Variants in PSG3 observed in about 807,000 individuals in gnomAD.
The protein encoded by PSG3 is pregnancy specific beta-1-glycoprotein 3, also known as pregnancy-specific beta-1-glycoprotein 3.
A neutral mutation model predicts 47.5 loss-of-function variants in PSG3; 61 were observed. That is an observed-to-expected ratio of 1.28 (90% CI 1.05 to 1.59). PSG3 has a LOEUF of 1.59. Among genes scored for constraint, PSG3 ranks in the 40% most tolerant of loss-of-function variants. The pLI is 0.00. For synonymous variants in PSG3, 263 were observed against 198.4 expected, an observed-to-expected ratio of 1.33 and a Z score of -2.74; for missense variants, 756 against 524.0, an observed-to-expected ratio of 1.44 and a Z score of -4.32.
intron 2 of PSG3, among the ~76,000 whole-genome samples, chr19:42,734,555 A>G (rs1425050701): frequency 3.9e-5 from 6 of 152,230 alleles, no homozygotes; most frequent in African/African-American, 7.2e-5. Flanking sequence ...TCATAAGTGG[A>G]AATTTTTACT....
intron 3 of PSG3, among the ~76,000 whole-genome samples, chr19:42,730,746 A>T (rs1239917224): frequency 1.3e-5 from 2 of 152,224 alleles, no homozygotes; most frequent in Non-Finnish European, 2.9e-5. Flanking sequence ...TGAAGGTGAC[A>T]GGCAAGAGCT....
chr19:42,725,384 G>C (rs1969360399), intron 5 of PSG3, among the ~76,000 whole-genome samples: 1 of 151,922 alleles, frequency 6.6e-6, no homozygotes, highest in Non-Finnish European at 1.5e-5. Flanking sequence ...CTAAACCCAA[G>C]CACAGTGAAT....
At chr19:42,738,682 AC>A (rs1555821275) in intron 2 of PSG3, 41 bp downstream of exon 2, 3 of 1,612,260 alleles carry the variant, frequency 1.9e-6, no homozygotes, top group Non-Finnish European at 2.5e-6. Flanking sequence ...TGAAGTAAAG[AC>A]CCCATCCCCC....
At chr19:42,735,155 G>T (rs188181968) in intron 2 of PSG3, among the ~76,000 whole-genome samples, 3 of 152,258 alleles carry the variant, frequency 2.0e-5, no homozygotes, top group African/African-American at 7.2e-5. Flanking sequence ...CTTTGTAGTT[G>T]TCCCACAGCT....
chr19:42,728,220 T>G (rs891615559), intron 5 of PSG3, among the ~76,000 whole-genome samples: 1 of 152,170 alleles, frequency 6.6e-6, no homozygotes, highest in African/African-American at 2.4e-5. Context: ...AACACTAAAT[T>G]GCACACTTAG....
At chr19:42,740,262 A>T (rs574923249) in intron 1 of PSG3, 59 bp downstream of exon 1, 1 of 1,613,160 alleles carries the variant, frequency 6.2e-7, no homozygotes, top group East Asian at 2.2e-5. Context: ...TCTCCAGGAG[A>T]CCCCATCCAG....
At chr19:42,734,192 A>G (rs1384864814) in intron 2 of PSG3, 1 of 152,228 alleles carries the variant, frequency 6.6e-6, no homozygotes, top group Admixed American at 6.5e-5. Context: ...GTACAGCTTC[A>G]TGCCTATAGT....
chr19:42,722,414 C>A (rs1270671092), intron 6 of PSG3, among the ~76,000 whole-genome samples: 1 of 152,122 alleles, frequency 6.6e-6, no homozygotes, highest in African/African-American at 2.4e-5. Flanking sequence ...CCAAGCCCGG[C>A]TAATTTTGTT....
chr19:42,727,019 T>C (rs1043263116), intron 5 of PSG3, among the ~76,000 whole-genome samples: 2 of 152,064 alleles, frequency 1.3e-5, no homozygotes, highest in Non-Finnish European at 2.9e-5. Flanking sequence ...GCCAAGATCG[T>C]TCAATGGGGA....
At chr19:42,728,160 A>G (rs921810846) in intron 5 of PSG3, among the ~76,000 whole-genome samples, 1 of 152,180 alleles carries the variant, frequency 6.6e-6, no homozygotes, top group African/African-American at 2.4e-5. Flanking sequence ...ACAGAGGTTT[A>G]ATATGGTAAG....
intron 2 of PSG3, among the ~76,000 whole-genome samples, chr19:42,735,499 T>G (rs558716098): frequency 6.2e-4 from 95 of 152,254 alleles, no homozygotes; most frequent in Non-Finnish European, 2.5e-4. Context: ...CCCAAATAGC[T>G]GGGACTACAA....
intron 1 of PSG3, 42 bp downstream of exon 1, chr19:42,740,279 T>C (rs1359459546): frequency 1.4e-5 from 23 of 1,613,712 alleles, no homozygotes; most frequent in Admixed American, 6.7e-5. Flanking sequence ...CCAGTCACTC[T>C]GCTTCCTCCT....
rs143022053 is a variant in PSG3, at chr19:42,724,862, T to C, written c.1244-837A>G. Among the ~76,000 whole-genome samples the C allele has an allele frequency of 8.2e-3, 1,238 of 151,456 alleles. 18 individuals carry two copies. The highest frequency in any genetic ancestry group is 0.029 in the African/African-American group (1,169 of 40,770). On this transcript the variant is annotated intron_variant, in intron 5 of 6. Transcript: ENST00000327495. ...AACCATGTCCTAGTGTTTTATGTGT[T>C]ACCTCTTTTTCCATATATATATATA...
At chr19:42,725,007 T>A (rs2122160682) in intron 5 of PSG3, among the ~76,000 whole-genome samples, 1 of 152,278 alleles carries the variant, frequency 6.6e-6, no homozygotes, top group East Asian at 1.9e-4. Context: ...TATTTCCATT[T>A]TGCCGATGAA....
intron 6 of PSG3, among the ~76,000 whole-genome samples, chr19:42,722,875 A>T (rs537913173): frequency 6.6e-6 from 1 of 152,360 alleles, no homozygotes; most frequent in East Asian, 1.9e-4. Flanking sequence ...TAGTAGTGTC[A>T]GGGAAGACTT....
At chr19:42,725,808 G>A (rs553148735) in intron 5 of PSG3, among the ~76,000 whole-genome samples, 117 of 146,172 alleles carry the variant, frequency 8.0e-4, no homozygotes, top group African/African-American at 3.0e-3. Context: ...AGGCTGCAGT[G>A]AGCCATAATC....
In PSG3 at chr19:42,730,520, C is replaced by T. The variant is rs139584650; in HGVS notation, c.710-464G>A. On this transcript the variant is annotated intron_variant, in intron 3 of 6. Transcript: ENST00000327495. ...TGAGTAATAATGGGACTTCCCATGG[C>T]CCTGAAACCCTGAAGATACTGAGCA... Among the ~76,000 whole-genome samples, 15 of 152,312 alleles carry T rather than the reference C, an allele frequency of 9.8e-5. No individual in the cohort carries two copies. The East Asian group carries it at 1.3e-3, about 14-fold the overall frequency.
In PSG3 at chr19:42,739,051, G is replaced by C; in HGVS notation, c.103C>G (p.Gln35Glu). The change falls in exon 2 of 7, where the codon CAA (glutamine) becomes GAA (glutamate). Residue 35 changes from glutamine to glutamate, a missense_variant. Gln to Glu is a conservative substitution (Grantham distance 29). Transcript: ENST00000327495. ...LNFWNLPTTA[Q>E]VTIEAEPTKV... ...GTTGGCTCGGCTTCAATCGTGACTT[G>C]GGCAGTGGTAGGCAAGTTCCAGAAG... is the stretch of plus-strand genomic sequence containing the variant. 1 of 1,611,960 alleles carries C rather than the reference G, an allele frequency of 6.2e-7. No individual in the cohort carries two copies. Among genetic ancestry groups the C allele is most frequent in the South Asian group, 1.1e-5 (1 of 91,018 alleles).
chr19:42,723,986 A>G lies in PSG3; in HGVS notation c.1283T>C (p.Leu428Ser), dbSNP rs1174041892. 2 of 1,610,352 alleles carry G rather than the reference A, an allele frequency of 1.2e-6. No homozygotes were observed. Among genetic ancestry groups the G allele is most frequent in the Admixed American group, 3.3e-5 (2 of 60,010 alleles). The change falls in exon 6 of 7, where the codon TTA becomes TCA. Residue 428 changes from leucine to serine, a missense_variant. Leu to Ser is a moderately radical substitution (Grantham distance 145, BLOSUM62 -2). Transcript: ENST00000327495. ...GTGHLPGLNP[L>S] The stretch of plus-strand genomic sequence containing the variant: ...ACAGAAATGACATCACGGCTGCTAT[A>G]ATGGATTAAGGCCAGGAAGATGTCC...
Sources: allele counts gnomAD v4.1 joint callset (sites outside exome capture counted in the v4.1 genomes callset), GRCh38; gene constraint gnomAD v4.1.1; transcripts MANE v1.5; gene names NCBI Gene and HGNC (gene_info 2026-07-23, HGNC 2026-07-21).